Variants in MALRD1 observed in about 807,000 individuals in gnomAD.
MALRD1 encodes the protein MAM and LDL-receptor class A domain-containing protein 1.
MALRD1 carries 247 observed loss-of-function variants against 242.1 expected under a neutral mutation model. The observed-to-expected ratio is 1.02, with a 90% CI of 0.92 to 1.13. The LOEUF (loss-of-function observed/expected upper bound fraction) is 1.13. Ranked by LOEUF, MALRD1 falls within the 50% of genes most tolerant of loss-of-function variation. The probability of loss-of-function intolerance (pLI) is 0.00; values close to 1 mark genes in which losing one functional copy is unlikely to be tolerated. For missense variants in MALRD1, 2,989 were observed against 2,533.1 expected, an observed-to-expected ratio of 1.18 and a Z score of -3.86; for synonymous variants, 995 against 866.6, an observed-to-expected ratio of 1.15 and a Z score of -2.60.
chr10:19,387,491 T>A (rs555283191), intron 26 of MALRD1, 37 bp from the exon 27 acceptor site: 1 of 1,537,530 alleles, frequency 6.5e-7, no homozygotes, highest in Non-Finnish European at 8.8e-7. Flanking sequence ...GTGTTAGGAG[T>A]GTTCGCTCAT....
At chr10:19,690,047 T>G (rs532502958) in intron 36 of MALRD1, among the ~76,000 whole-genome samples, 1 of 152,090 alleles carries the variant, frequency 6.6e-6, no homozygotes, top group African/African-American at 2.4e-5. Flanking sequence ...GATGGCAGGC[T>G]GATACACAAG....
chr10:19,331,628 C>T (rs1482236663), intron 24 of MALRD1, 46 bp downstream of exon 24: 2 of 1,430,270 alleles, frequency 1.4e-6, no homozygotes, highest in Non-Finnish European at 1.9e-6. Context: ...TCAACTCCCA[C>T]AGCCTTACTC....
At chr10:19,713,274 T>A (rs1016311837) in intron 38 of MALRD1, among the ~76,000 whole-genome samples, 2 of 152,248 alleles carry the variant, frequency 1.3e-5, no homozygotes, top group African/African-American at 4.8e-5. Flanking sequence ...TTGCTATGAA[T>A]GTTTCTAAGC....
At chr10:19,564,215 G>C (rs192842500) in intron 32 of MALRD1, among the ~76,000 whole-genome samples, 16 of 152,226 alleles carry the variant, frequency 1.1e-4, no homozygotes, top group Non-Finnish European at 5.9e-5. Context: ...CATATCTGTT[G>C]TTGAATGTTT....
At chr10:19,158,097 A>G (rs1450587221) in intron 12 of MALRD1, among the ~76,000 whole-genome samples, 1 of 152,232 alleles carries the variant, frequency 6.6e-6, no homozygotes, top group Admixed American at 6.5e-5. Context: ...AAGCTATTCT[A>G]TCTTACTGCT....
At chr10:19,223,538 G>A (rs1837652502) in intron 18 of MALRD1, among the ~76,000 whole-genome samples, 1 of 151,502 alleles carries the variant, frequency 6.6e-6, no homozygotes. Flanking sequence ...ATTTACATTT[G>A]TGTGTATATA....
intron 26 of MALRD1, among the ~76,000 whole-genome samples, chr10:19,366,584 A>G (rs1397094533): frequency 1.3e-5 from 2 of 152,028 alleles, no homozygotes; most frequent in East Asian, 3.9e-4. Context: ...TAACATATCC[A>G]TATTGTTCTA....
At chr10:19,386,993 C>T (rs556906924) in intron 26 of MALRD1, among the ~76,000 whole-genome samples, 2 of 152,180 alleles carry the variant, frequency 1.3e-5, no homozygotes, top group Non-Finnish European at 2.9e-5. Context: ...AATAAATATG[C>T]ATTTTAGAGA....
intron 1 of MALRD1, among the ~76,000 whole-genome samples, chr10:19,050,704 G>A (rs1188340432): frequency 6.6e-6 from 1 of 152,136 alleles, no homozygotes; most frequent in Admixed American, 6.5e-5. Flanking sequence ...GCTAACTGTG[G>A]GCTTGTTGCA....
intron 21 of MALRD1, among the ~76,000 whole-genome samples, chr10:19,318,396 G>A (rs545960988): frequency 6.6e-6 from 1 of 151,572 alleles, no homozygotes; most frequent in Non-Finnish European, 1.5e-5. Context: ...GGTGAAAGGG[G>A]TATTTCAGAG....
At chr10:19,460,724 A>G (rs1435101037) in intron 29 of MALRD1, among the ~76,000 whole-genome samples, 5 of 152,184 alleles carry the variant, frequency 3.3e-5, no homozygotes, top group African/African-American at 1.2e-4. Context: ...AGGACCCTTG[A>G]GGTAAACATA....
intron 12 of MALRD1, among the ~76,000 whole-genome samples, chr10:19,155,859 A>C (rs1272735614): frequency 6.6e-6 from 1 of 152,228 alleles, no homozygotes; most frequent in Non-Finnish European, 1.5e-5. Context: ...TATTTGGTAC[A>C]TAGTAGGTAA....
At chr10:19,200,488 T>C (rs1042365571) in intron 14 of MALRD1, among the ~76,000 whole-genome samples, 1 of 152,104 alleles carries the variant, frequency 6.6e-6, no homozygotes, top group East Asian at 1.9e-4. Context: ...AATTACCAGC[T>C]CAGACTTCAG....
chr10:19,529,544 G>A (rs1834248531), intron 31 of MALRD1, among the ~76,000 whole-genome samples: 1 of 39,506 alleles, frequency 2.5e-5, no homozygotes, highest in South Asian at 7.6e-4. Context: ...GAAAAAAACA[G>A]GAGGGGGGGG....
chr10:19,436,171 C>T (rs1589069190), intron 28 of MALRD1, among the ~76,000 whole-genome samples: 1 of 152,132 alleles, frequency 6.6e-6, no homozygotes, highest in Non-Finnish European at 1.5e-5. Context: ...TCTCCAAAGA[C>T]CACTGGTGCT....
chr10:19,506,055 A>G (rs1833122828), intron 31 of MALRD1, among the ~76,000 whole-genome samples: 1 of 152,186 alleles, frequency 6.6e-6, no homozygotes. Context: ...GTGGGATTCC[A>G]GTGCGTGGTC....
At position 19,066,703 on chromosome 10, in the gene MALRD1, T is replaced by C. The variant is rs1834990463; in HGVS notation, c.200-16T>C. 8.1e-7 allele frequency: 1 copy of C among 1,233,482 alleles called. No individual in the cohort carries two copies. Among genetic ancestry groups the C allele is most frequent in the South Asian group, 4.1e-5 (1 of 24,422 alleles). 76.4% of individuals were successfully genotyped at this position (1,233,482 alleles called of 1,614,324 possible). On this transcript the variant is annotated splice_polypyrimidine_tract_variant and intron_variant, in intron 1 of 39. Coordinates refer to ENST00000454679, the MANE Select transcript of MALRD1 (RefSeq NM_001142308.3). ...AAACACAGTTGTGAAAACCAACTTT[T>C]CTTCTTTCTCATTAGGTTTGAATTA...
intron 5 of MALRD1, among the ~76,000 whole-genome samples, chr10:19,113,491 A>C: frequency 1.4e-5 from 2 of 143,910 alleles, no homozygotes; most frequent in African/African-American, 2.6e-5. Context: ...TATACTCCCC[A>C]CCTTCTCTTC....
chr10:19,603,269 A>G (rs1156567628), intron 34 of MALRD1, among the ~76,000 whole-genome samples: 2 of 152,200 alleles, frequency 1.3e-5, no homozygotes, highest in Non-Finnish European at 2.9e-5. Context: ...GTCCTTGCCC[A>G]TGCCTATGTT....
Sources: gnomAD v4.1 joint callset for allele counts (sites outside exome capture counted in the v4.1 genomes callset) on GRCh38, gnomAD v4.1.1 for gene constraint, MANE v1.5 for transcripts, NCBI Gene and HGNC (gene_info 2026-07-23, HGNC 2026-07-21) for gene names.